Variants in CXADR observed in about 807,000 individuals in gnomAD.
CXADR encodes coxsackievirus and adenovirus receptor.
In CXADR, 20 loss-of-function variants were observed where a neutral mutation model predicts 40.3. The ratio of observed to expected loss-of-function variants is 0.50; its 90% CI spans 0.35 to 0.72. The LOEUF (loss-of-function observed/expected upper bound fraction) is 0.72. Ranked by LOEUF, CXADR falls within the 30% of genes least tolerant of loss-of-function variation. The probability of loss-of-function intolerance (pLI) is 0.01; values close to 1 mark genes in which losing one functional copy is unlikely to be tolerated. For synonymous variants in CXADR, 150 were observed against 161.3 expected (o/e 0.93, Z 0.53); for missense variants, 332 against 449.1 (o/e 0.74, Z 2.36).
chr21:17,531,937 G>GTTTT (rs59350424), intron 1 of CXADR, among the ~76,000 whole-genome samples: 2 of 140,924 alleles, frequency 1.4e-5, no homozygotes, highest in African/African-American at 2.6e-5. Context: ...TGTTTTTTGG[G>GTTTT]TTTTTTTTTT....
chr21:17,624,749 A>G, the CXADR span, among the ~76,000 whole-genome samples: 5 of 152,078 alleles, frequency 3.3e-5, no homozygotes, highest in African/African-American at 4.8e-5. Context: ...GGGCACCACT[A>G]TCTGCCTACC....
Position 17,538,285 on chromosome 21 carries a change from C to G in CXADR, c.44-8742C>G, listed in dbSNP as rs7278977. Among the ~76,000 whole-genome samples, 1,126 of 152,174 alleles carry G rather than the reference C, an allele frequency of 7.4e-3. 11 individuals are homozygous for G. The highest frequency in any genetic ancestry group is 0.024 in the African/African-American group (1,014 of 41,504). On this transcript the variant is annotated intron_variant, in intron 1 of 6. Coordinates refer to ENST00000284878, the MANE Select transcript of CXADR (RefSeq NM_001338.5). ...ACAGTGCTGGGATTACAGGTGTGAG[C>G]CACCGCGCCCAGCAAGAGGAGGTAT...
chr21:17,538,430 G>A (rs559211889), intron 1 of CXADR, among the ~76,000 whole-genome samples: 1 of 152,278 alleles, frequency 6.6e-6, no homozygotes, highest in East Asian at 1.9e-4. Context: ...CTAGTCAAAG[G>A]ACCTTGAGGG....
At chr21:17,570,113 G>C (rs989504960), downstream of CXADR, 2 of 985,258 alleles carry the variant, frequency 2.0e-6, no homozygotes, top group African/African-American at 3.5e-5. Context: ...TCTGCCTCAT[G>C]GTGTGGCTTT....
At position 17,561,347 on chromosome 21, in the gene CXADR, A is replaced by G; in HGVS notation, c.704A>G (p.Lys235Arg). The change falls in exon 6 of 7, where the codon AAA becomes AGA. Residue 235 changes from lysine (K) to arginine (R), a missense_variant. Lys to Arg is a conservative substitution (Grantham distance 26). Coordinates refer to ENST00000284878, the MANE Select transcript of CXADR (RefSeq NM_001338.5). Reference protein sequence around the residue: ...LRLNVVPPSNKAGLIAGAIIG... With the variant: ...LRLNVVPPSNRAGLIAGAIIG... ...ATTCTTCTTATTTTAGCTTCAAATAAAGCTGGACTAATTGCAGGAGCCATT... is the reference window on the plus strand; with the variant it reads ...ATTCTTCTTATTTTAGCTTCAAATAGAGCTGGACTAATTGCAGGAGCCATT... 1 of 1,579,944 alleles carries G rather than the reference A, an allele frequency of 6.3e-7. No individual in the cohort carries two copies. Among genetic ancestry groups the G allele is most frequent in the Non-Finnish European group, 8.6e-7 (1 of 1,162,348 alleles).
chr21:17,516,988 A>G (rs530006459), intron 1 of CXADR, among the ~76,000 whole-genome samples: 1 of 152,312 alleles, frequency 6.6e-6, no homozygotes, highest in African/African-American at 2.4e-5. Context: ...TATAAAATAA[A>G]TTGAGGTGTT....
At chr21:17,582,018 G>A (rs1034498785) in intron 7 of CXADR, among the ~76,000 whole-genome samples, 5 of 88 alleles carry the variant, frequency 0.057, no homozygotes, top group Admixed American at 0.23. Flanking sequence ...TCGGCTCACT[G>A]CAAACCTCTG....
the CXADR span, chr21:17,609,175 C>A: frequency 6.3e-7 from 1 of 1,592,152 alleles, no homozygotes; most frequent in South Asian, 1.1e-5. Flanking sequence ...AACATGTTTT[C>A]TCAGAAAAAC....
In CXADR at chr21:17,568,470, T is replaced by C; in HGVS notation, c.*2778T>C. The C allele has an allele frequency of 3.1e-6, 3 of 980,062 alleles. No individual in the cohort carries two copies. Among genetic ancestry groups the C allele is most frequent in the Non-Finnish European group, 3.6e-6 (3 of 828,840 alleles). 60.7% of individuals were successfully genotyped at this position (980,062 alleles called of 1,614,324 possible). ...AGCAAAGCCATTTTATTCTACTTTA[T>C]AACTGAGAGACTTGATACCATCCAT... On this transcript the variant is annotated 3_prime_UTR_variant, in exon 7 of 7. Transcript: ENST00000284878.
At chr21:17,564,329 A>T (rs895442283) in intron 6 of CXADR, among the ~76,000 whole-genome samples, 1 of 151,804 alleles carries the variant, frequency 6.6e-6, no homozygotes, top group East Asian at 1.9e-4. Flanking sequence ...ATTAAAAAAA[A>T]AAAAAGGAAA....
chr21:17,592,635 TTTC>T (rs2061448919), intron 7 of CXADR, among the ~76,000 whole-genome samples: 1 of 151,912 alleles, frequency 6.6e-6, no homozygotes, highest in Admixed American at 6.6e-5. Context: ...GTAATTTTTT[TTTC>T]CTTTTTTTCT....
At chr21:17,623,315 C>T in the CXADR span, among the ~76,000 whole-genome samples, 14 of 151,712 alleles carry the variant, frequency 9.2e-5, no homozygotes, top group Admixed American at 3.3e-4. Flanking sequence ...TTTTTTAATT[C>T]GATTTTATTA....
At position 17,527,592 on chromosome 21, in the gene CXADR, C is replaced by T. The variant is rs1569081684; in HGVS notation, c.43+14420C>T. 3.9e-5 allele frequency among the ~76,000 whole-genome samples: 6 copies of T among 152,190 alleles called. No individual in the cohort carries two copies. In the East Asian group the frequency reaches 9.7e-4, roughly 25 times the overall value. ...CAGAGGGAGGAGTCAGACAATTATT[C>T]GTGCAGCTATGGTACCAGGCAGAGC... On this transcript the variant is annotated intron_variant, in intron 1 of 6. Coordinates refer to ENST00000284878, the MANE Select transcript of CXADR (RefSeq NM_001338.5).
intron 3 of CXADR, among the ~76,000 whole-genome samples, chr21:17,554,057 A>G (rs1460698258): frequency 6.6e-6 from 1 of 152,250 alleles, no homozygotes; most frequent in East Asian, 1.9e-4. Flanking sequence ...TATGCGAAGC[A>G]GAAGATATTT....
intron 1 of CXADR, among the ~76,000 whole-genome samples, chr21:17,521,989 G>C (rs1240256216): frequency 6.6e-6 from 1 of 152,044 alleles, no homozygotes; most frequent in Non-Finnish European, 1.5e-5. Flanking sequence ...CTTCGGTACT[G>C]TTGTCGCTTT....
chr21:17,591,739 A>G (rs2061437029), intron 7 of CXADR, among the ~76,000 whole-genome samples: 2 of 151,934 alleles, frequency 1.3e-5, no homozygotes, highest in South Asian at 2.1e-4. Flanking sequence ...AAATAGCCCG[A>G]TAAGGCTTTC....
At chr21:17,593,139 T>C in intron 7 of CXADR, 1 of 1,409,924 alleles carries the variant, frequency 7.1e-7, no homozygotes, top group Non-Finnish European at 9.3e-7. Context: ...TATCTCTTTT[T>C]TTCTTTTTGT....
chr21:17,607,049 AACTT>A, the CXADR span, among the ~76,000 whole-genome samples: 1 of 152,218 alleles, frequency 6.6e-6, no homozygotes, highest in Admixed American at 6.5e-5. Context: ...AGTCTCTACT[AACTT>A]GGTTAATCTT....
intron 1 of CXADR, among the ~76,000 whole-genome samples, chr21:17,524,043 CGTGTGTGTGTGT>C (rs200561495): frequency 1.2e-4 from 17 of 144,720 alleles, no homozygotes; most frequent in Non-Finnish European, 2.0e-4. Context: ...TGTGTGTGTG[CGTGTGTGTGTGT>C]GTGTGTGTGT....
Sources: allele counts gnomAD v4.1 joint callset (sites outside exome capture counted in the v4.1 genomes callset), GRCh38; gene constraint gnomAD v4.1.1; transcripts MANE v1.5; gene names NCBI Gene and HGNC (gene_info 2026-07-23, HGNC 2026-07-21).